MMP25: variants seen among roughly 807,000 people sequenced by gnomAD.
The protein encoded by MMP25 is matrix metallopeptidase 25.
In MMP25, 68 loss-of-function variants were observed where a neutral mutation model predicts 62.1. The observed-to-expected ratio is 1.10, with a 90% CI of 0.90 to 1.34. MMP25 has a LOEUF of 1.34. Among genes scored for constraint, MMP25 ranks in the 40% most tolerant of loss-of-function variants. MMP25 has a pLI of 0.00. For synonymous variants in MMP25, 407 were observed against 345.6 expected (o/e 1.18, Z -1.97); for missense variants, 942 against 792.5 (o/e 1.19, Z -2.26).
chr16:3,055,849 A>T (rs952935914), intron 4 of MMP25: 30 of 455,412 alleles, frequency 6.6e-5, no homozygotes, highest in Middle Eastern at 1.0e-3. Context: ...CAGCTGGAGC[A>T]GGAGCTGGCA....
rs368444509 is a variant in MMP25, at chr16:3,050,411, C to T, written c.526C>T (p.Arg176Cys). 7.4e-6 allele frequency: 12 copies of T among 1,614,020 alleles called. No homozygotes were observed. Among genetic ancestry groups the T allele is most frequent in the East Asian group, 2.2e-5 (1 of 44,874 alleles). The part of the protein sequence containing the change: ...QEPDILIDFA[R>C]AFHQDSYPFD... ...GCCCGACATCCTCATCGACTTTGCC[C>T]GCGCCTTCCACCAGGACAGCTACCC... The change falls in exon 4 of 10, where the codon CGC becomes TGC. Residue 176 changes from arginine (R) to cysteine (C), a missense_variant. Coordinates refer to ENST00000336577, the MANE Select transcript of MMP25 (RefSeq NM_022468.5).
chr16:3,058,603 C>T lies in MMP25; in HGVS notation c.1351C>T (p.Pro451Ser). 1 of 1,607,652 alleles carries T rather than the reference C, an allele frequency of 6.2e-7. No individual in the cohort carries two copies. Among genetic ancestry groups the T allele is most frequent in the Non-Finnish European group, 8.5e-7 (1 of 1,177,932 alleles). ...GGCGGCGCGCCCGGACCCCGGCTAC[C>T]CTCGCGACCTGAGCCTCTGGGAAGG... ...EAAARPDPGY[P>S]RDLSLWEGAP... The change falls in exon 9 of 10, where the codon CCT becomes TCT. Residue 451 changes from proline (P) to serine (S), a missense_variant. Transcript: ENST00000336577.
In MMP25 at chr16:3,057,228, G is replaced by A. The variant is rs374071870; in HGVS notation, c.838+19G>A. On this transcript the variant is annotated intron_variant, in intron 5 of 9. Coordinates refer to ENST00000336577, the MANE Select transcript of MMP25 (RefSeq NM_022468.5). ...CTCTATGGTAGGGGGAGAGGGACCT[G>A]CCGCGAAACCATCATTGCCCCATCC... 140 of 1,613,466 alleles carry A rather than the reference G, an allele frequency of 8.7e-5. No individual in the cohort carries two copies. The highest frequency in any genetic ancestry group is 1.2e-4 in the Non-Finnish European group (138 of 1,179,750).
chr16:3,050,291 G>C lies in MMP25; in HGVS notation c.406G>C (p.Glu136Gln). ...CCCCCAGAGCTCCCAGCTGAGCCAG[G>C]AGACCGTGCGGGTCCTCATGAGCTA... ...SFPQSSQLSQ[E>Q]TVRVLMSYAL... The change falls in exon 4 of 10, where the codon GAG (glutamate) becomes CAG (glutamine). Residue 136 changes from glutamate (E) to glutamine (Q), a missense_variant. Coordinates refer to ENST00000336577, the MANE Select transcript of MMP25 (RefSeq NM_022468.5). The C allele has an allele frequency of 6.2e-7, 1 of 1,608,258 alleles. No individual in the cohort carries two copies. The highest frequency in any genetic ancestry group is 8.5e-7 in the Non-Finnish European group (1 of 1,175,844).
Position 3,058,909 on chromosome 16 carries a change from C to A in MMP25, c.1500C>A (p.Pro500=). ...AGACCGAGCCGGACGCCCCCCAGCC[C>A]ATGGGGCCCAACTGGCTGGACTGCC... ...SIKTEPDAPQ[P]MGPNWLDCPA... Residue 500 remains proline, a synonymous_variant, in exon 10 of 10, where the codon CCC becomes CCA. Coordinates refer to ENST00000336577, the MANE Select transcript of MMP25 (RefSeq NM_022468.5). 6.4e-7 allele frequency: 1 copy of A among 1,553,952 alleles called. No individual in the cohort carries two copies. Among genetic ancestry groups the A allele is most frequent in the South Asian group, 1.2e-5 (1 of 84,250 alleles).
rs900827502 is a variant in MMP25 at position 3,046,838 on chromosome 16, G to T, written c.-80G>T. ...GTGCCCCCCGCCCTCTCCAGGCCCG[G>T]ATCTCCTCCCCCAGGTCCCCGGGGC... On this transcript the variant is annotated 5_prime_UTR_variant, in exon 1 of 10. Coordinates refer to ENST00000336577, the MANE Select transcript of MMP25 (RefSeq NM_022468.5). 3.2e-5 allele frequency: 25 copies of T among 786,834 alleles called. No homozygotes were observed. Among genetic ancestry groups the T allele is most frequent in the Non-Finnish European group, 4.0e-5 (22 of 549,632 alleles). The allele number at this position is 786,834 out of a possible 1,614,324, so 48.7% of individuals were successfully genotyped here. A position where few individuals can be genotyped will look rare whatever the true frequency, so the allele number is the denominator to read the frequency against.
Position 3,058,961 on chromosome 16 carries a change from C to A in MMP25, c.1552C>A (p.Pro518Thr). 6.4e-7 allele frequency: 1 copy of A among 1,552,712 alleles called. No homozygotes were observed. The highest frequency in any genetic ancestry group is 8.7e-7 in the Non-Finnish European group (1 of 1,148,230). ...CPAPSSGPRAPRPPKATPVSE... is the reference protein window; with the variant it reads ...CPAPSSGPRATRPPKATPVSE... ...CGCCCCGAGCTCTGGTCCCCGCGCC[C>A]CCAGGCCCCCCAAAGCGACCCCCGT... Residue 518 changes from proline (P) to threonine (T), a missense_variant, in exon 10 of 10, where the codon CCC (proline) becomes ACC (threonine). By Grantham distance (38) the Pro-to-Thr change is conservative. Transcript: ENST00000336577.
intron 3 of MMP25, 50 bp downstream of exon 3, chr16:3,050,194 C>CT: frequency 6.3e-7 from 1 of 1,578,206 alleles, no homozygotes; most frequent in Non-Finnish European, 8.6e-7. Flanking sequence ...TGGGCTCCGG[C>CT]TTTGAATGGC....
chr16:3,047,587 C>T, intron 2 of MMP25, 40 bp downstream of exon 2: 1 of 1,600,944 alleles, frequency 6.2e-7, no homozygotes, highest in Non-Finnish European at 8.5e-7. Flanking sequence ...GCCTCTGCAC[C>T]CAGCCTGTCC....
Position 3,058,834 on chromosome 16 carries a change from C to G in MMP25, c.1425C>G (p.Thr475=). Residue 475 remains threonine (T), a synonymous_variant, in exon 10 of 10, where the codon ACC becomes ACG. Coordinates refer to ENST00000336577, the MANE Select transcript of MMP25 (RefSeq NM_022468.5). ...CAAGCTCTGCTCCTCCAGGTGACAC[C>G]TACTTCTTCAAGGGCGCCCACTACT... The part of the protein sequence containing the change: ...DDVTVSNAGD[T]YFFKGAHYWR... 6.6e-7 allele frequency: 1 copy of G among 1,519,334 alleles called. No homozygotes were observed. Among genetic ancestry groups the G allele is most frequent in the African/African-American group, 1.4e-5 (1 of 73,150 alleles). The allele number at this position is 1,519,334 out of a possible 1,614,324, so 94.1% of individuals were successfully genotyped here. A position where few individuals can be genotyped will look rare whatever the true frequency, so the allele number is the denominator to read the frequency against.
Position 3,057,209 on chromosome 16 carries a change from G to A in MMP25, c.838G>A (p.Gly280Arg), listed in dbSNP as rs1397365961. 1.2e-6 allele frequency: 2 copies of A among 1,613,118 alleles called. No individual in the cohort carries two copies. The highest frequency in any genetic ancestry group is 2.2e-5 in the South Asian group (2 of 90,916). The change falls in exon 5 of 10, where the codon GGG (glycine) becomes AGG (arginine). Residue 280 changes from glycine (G) to arginine (R), a missense_variant and splice_region_variant. Gly to Arg is a moderately radical substitution (Grantham distance 125). Coordinates refer to ENST00000336577, the MANE Select transcript of MMP25 (RefSeq NM_022468.5). ...CCGCGATGGCCTGCAGCAACTCTATGGTAGGGGGAGAGGGACCTGCCGCGA... is the reference window on the plus strand; with the variant it reads ...CCGCGATGGCCTGCAGCAACTCTATAGTAGGGGGAGAGGGACCTGCCGCGA... ...DDRDGLQQLYGKAPQTPYDKP... is the reference protein window; with the variant it reads ...DDRDGLQQLYRKAPQTPYDKP...
At position 3,057,976 on chromosome 16, in the gene MMP25, T is replaced by G. The variant is rs1428694427; in HGVS notation, c.1007-205T>G. ...TGTCAGCCTCCCAATGTGCTGGCAT[T>G]ACAGGTCTGAGCCACCAGGCAAGGC... is the stretch of plus-strand genomic sequence containing the variant. On this transcript the variant is annotated intron_variant, in intron 7 of 9. Coordinates refer to ENST00000336577, the MANE Select transcript of MMP25 (RefSeq NM_022468.5). 7 of 614,360 alleles carry G rather than the reference T, an allele frequency of 1.1e-5. No homozygotes were observed. In the South Asian group the frequency reaches 1.5e-4, roughly 13 times the overall value. 38.1% of individuals were successfully genotyped at this position (614,360 alleles called of 1,614,324 possible). A position where few individuals can be genotyped will look rare whatever the true frequency, so the allele number is the denominator to read the frequency against.
rs765959946 is a variant in MMP25 at position 3,047,397 on chromosome 16, C to T, written c.100-18C>T. 6.2e-6 allele frequency: 10 copies of T among 1,605,024 alleles called. No individual in the cohort carries two copies. In the Middle Eastern group the frequency reaches 1.2e-3, roughly 186 times the overall value. On this transcript the variant is annotated intron_variant, in intron 1 of 9. Transcript: ENST00000336577. ...CTTTTCACCCAGCCCGCTTCACCTG[C>T]CCCCTCCGATGCCCTAGGACTGGCT... is the stretch of plus-strand genomic sequence containing the variant.
rs1273432070 is a variant in MMP25 at position 3,060,680 on chromosome 16, G to A, written c.*1582G>A. On this transcript the variant is annotated 3_prime_UTR_variant, in exon 10 of 10. Coordinates refer to ENST00000336577, the MANE Select transcript of MMP25 (RefSeq NM_022468.5). Reference sequence around the variant, plus strand: ...TGAGGAGGGGGAAATTTGTATATTAGAAACTTATTCATCCCACTCAGGACA... The same window carrying A: ...TGAGGAGGGGGAAATTTGTATATTAAAAACTTATTCATCCCACTCAGGACA... 1 of 152,170 alleles carries A rather than the reference G, an allele frequency of 6.6e-6. No individual in the cohort carries two copies. Among genetic ancestry groups the A allele is most frequent in the East Asian group, 1.9e-4 (1 of 5,200 alleles). The allele number at this position is 152,170 out of a possible 1,614,324, so 9.4% of individuals were successfully genotyped here. A position where few individuals can be genotyped will look rare whatever the true frequency, so the allele number is the denominator to read the frequency against.
rs1956091880 is a variant in MMP25, at chr16:3,060,351, G to A, written c.*1253G>A. ...TAGCTGGCTGTTTCGTGGCATTTCT[G>A]TGGCTCTGCAGTGTTCCTCCACCCC... On this transcript the variant is annotated 3_prime_UTR_variant, in exon 10 of 10. Coordinates refer to ENST00000336577, the MANE Select transcript of MMP25 (RefSeq NM_022468.5). The A allele has an allele frequency of 6.6e-6, 1 of 152,356 alleles. No homozygotes were observed. The highest frequency in any genetic ancestry group is 2.4e-5 in the African/African-American group (1 of 41,430). The allele number at this position is 152,356 out of a possible 1,614,324, so 9.4% of individuals were successfully genotyped here.
In MMP25 at chr16:3,050,266, C is replaced by T. The variant is rs1002358133; in HGVS notation, c.381C>T (p.Phe127=). The T allele has an allele frequency of 1.9e-6, 3 of 1,597,478 alleles. No individual in the cohort carries two copies. The highest frequency in any genetic ancestry group is 2.7e-5 in the African/African-American group (2 of 74,666). Residue 127 remains phenylalanine, a synonymous_variant, in exon 4 of 10, where the codon TTC becomes TTT. Coordinates refer to ENST00000336577, the MANE Select transcript of MMP25 (RefSeq NM_022468.5). The part of the protein sequence containing the change: ...KRTLTWRVRS[F]PQSSQLSQET... ...CCCCTCTCCCCAGGGTACGTTCCTT[C>T]CCCCAGAGCTCCCAGCTGAGCCAGG... is the stretch of plus-strand genomic sequence containing the variant.
intron 6 of MMP25, 42 bp downstream of exon 6, chr16:3,057,436 C>T (rs1956032144): frequency 6.2e-7 from 1 of 1,601,546 alleles, no homozygotes; most frequent in South Asian, 1.1e-5. Flanking sequence ...TGACCAGCTG[C>T]CCAGCCTCAG....
Position 3,046,663 on chromosome 16 carries a change from C to G in MMP25, c.-255C>G, listed in dbSNP as rs1000333071. On this transcript the variant is annotated 5_prime_UTR_variant, in exon 1 of 10. Coordinates refer to ENST00000336577, the MANE Select transcript of MMP25 (RefSeq NM_022468.5). ...CATCCAGACCTCCGCCGCTCCCGCG[C>G]CCTCTCAACCATCCTGGGATTCCCG... The G allele has an allele frequency of 2.8e-6, 1 of 352,096 alleles. No individual in the cohort carries two copies. The highest frequency in any genetic ancestry group is 2.1e-5 in the African/African-American group (1 of 46,910). 21.8% of individuals were successfully genotyped at this position (352,096 alleles called of 1,614,324 possible).
At chr16:3,050,598 A>G in intron 4 of MMP25, 52 bp downstream of exon 4, 2 of 1,474,288 alleles carry the variant, frequency 1.4e-6, no homozygotes, top group South Asian at 2.7e-5. Context: ...GGTCTTAAGA[A>G]TAAGTTTTCT....
Sources: gnomAD v4.1 joint callset for allele counts on GRCh38, gnomAD v4.1.1 for gene constraint, MANE v1.5 for transcripts, NCBI Gene and HGNC (gene_info 2026-07-23, HGNC 2026-07-21) for gene names.